GLIS3: variants seen among roughly 807,000 people sequenced by gnomAD.
GLIS3 encodes the protein GLIS family zinc finger 3.
GLIS3 carries 53 observed loss-of-function variants against 78.6 expected under a neutral mutation model. That is an observed-to-expected ratio of 0.67 (90% CI 0.54 to 0.85). The LOEUF is 0.85. Ranked by LOEUF, GLIS3 falls within the 40% of genes least tolerant of loss-of-function variation. GLIS3 has a pLI of 0.00. For missense variants in GLIS3, 1,703 were observed against 1,231.1 expected (o/e 1.38, Z -5.74); for synonymous variants, 684 against 509.9 (o/e 1.34, Z -4.60).
chr9:4,357,946 A>T, the GLIS3 span, among the ~76,000 whole-genome samples: 1 of 152,228 alleles, frequency 6.6e-6, no homozygotes, highest in Non-Finnish European at 1.5e-5. Flanking sequence ...GAGGGTCATT[A>T]AACAAGTTAT....
chr9:4,273,282 C>T (rs1587255223), intron 2 of GLIS3, among the ~76,000 whole-genome samples: 1 of 152,278 alleles, frequency 6.6e-6, no homozygotes, highest in East Asian at 1.9e-4. Flanking sequence ...TTTACCTGCC[C>T]TACCAGTTTG....
At chr9:3,880,391 C>T (rs1588142924) in intron 7 of GLIS3, among the ~76,000 whole-genome samples, 1 of 152,154 alleles carries the variant, frequency 6.6e-6, no homozygotes, top group Admixed American at 6.5e-5. Flanking sequence ...GAAACTGGGG[C>T]TTGTCACTTT....
intron 2 of GLIS3, among the ~76,000 whole-genome samples, chr9:4,135,421 A>C (rs1033240137): frequency 2.6e-5 from 4 of 152,116 alleles, no homozygotes; most frequent in Non-Finnish European, 5.9e-5. Flanking sequence ...TGTATGTTCT[A>C]ATTCTAAAGG....
At chr9:4,154,352 T>C (rs1834899232) in intron 2 of GLIS3, among the ~76,000 whole-genome samples, 1 of 152,158 alleles carries the variant, frequency 6.6e-6, no homozygotes, top group Non-Finnish European at 1.5e-5. Flanking sequence ...TCAGCCATAA[T>C]ATGCCACAAG....
chr9:3,949,691 C>G (rs1374360523), intron 4 of GLIS3, among the ~76,000 whole-genome samples: 1 of 152,114 alleles, frequency 6.6e-6, no homozygotes, highest in African/African-American at 2.4e-5. Flanking sequence ...CTAACAGGTG[C>G]CTAATACATA....
intron 4 of GLIS3, among the ~76,000 whole-genome samples, chr9:3,938,021 A>G (rs998922441): frequency 2.6e-5 from 4 of 152,208 alleles, no homozygotes; most frequent in African/African-American, 9.6e-5. Context: ...TGAGGGCAAA[A>G]TATCAGCTAC....
chr9:4,341,968 G>A (rs1266289880), intron 2 of GLIS3, among the ~76,000 whole-genome samples: 1 of 144,922 alleles, frequency 6.9e-6, no homozygotes, highest in African/African-American at 2.9e-5. Flanking sequence ...TTGTTAATTT[G>A]CTTAAGTTCC....
chr9:4,052,578 A>G (rs1454674031), intron 4 of GLIS3, among the ~76,000 whole-genome samples: 2 of 152,204 alleles, frequency 1.3e-5, no homozygotes, highest in Non-Finnish European at 2.9e-5. Context: ...TAGAAACTGA[A>G]TGATACAATA....
chr9:4,222,242 A>G (rs1001123842), intron 2 of GLIS3, among the ~76,000 whole-genome samples: 1 of 152,206 alleles, frequency 6.6e-6, no homozygotes, highest in Non-Finnish European at 1.5e-5. Flanking sequence ...ACACGGTAGC[A>G]AAGTACACCT....
chr9:4,034,742 C>T (rs1331134847), intron 4 of GLIS3: 1 of 152,226 alleles, frequency 6.6e-6, no homozygotes, highest in Non-Finnish European at 1.5e-5. Context: ...CCTTTAACCT[C>T]AACCTGAGCA....
intron 2 of GLIS3, among the ~76,000 whole-genome samples, chr9:4,149,384 C>T (rs1834492040): frequency 6.6e-6 from 1 of 152,196 alleles, no homozygotes; most frequent in South Asian, 2.1e-4. Flanking sequence ...AAAAAACACA[C>T]ACAGATGGCT....
At chr9:4,157,966 G>C (rs568542560) in intron 2 of GLIS3, among the ~76,000 whole-genome samples, 2 of 152,248 alleles carry the variant, frequency 1.3e-5, no homozygotes, top group South Asian at 4.1e-4. Context: ...TGATAATCTT[G>C]TTAACGGATG....
intron 2 of GLIS3, among the ~76,000 whole-genome samples, chr9:4,313,923 A>T (rs1223476975): frequency 6.6e-6 from 1 of 152,234 alleles, no homozygotes; most frequent in African/African-American, 2.4e-5. Flanking sequence ...TTTGTTAAAA[A>T]TATAAATGTG....
chr9:4,363,971 G>T, the GLIS3 span, among the ~76,000 whole-genome samples: 1 of 152,180 alleles, frequency 6.6e-6, no homozygotes, highest in South Asian at 2.1e-4. Context: ...GATTTCAAGA[G>T]TTCGCAATCT....
At chr9:4,049,012 C>G (rs1455574977) in intron 4 of GLIS3, among the ~76,000 whole-genome samples, 2 of 152,114 alleles carry the variant, frequency 1.3e-5, no homozygotes, top group African/African-American at 4.8e-5. Context: ...GGACTGAACA[C>G]CATGGACATA....
chr9:4,406,383 C>T, the GLIS3 span, among the ~76,000 whole-genome samples: 2 of 152,130 alleles, frequency 1.3e-5, no homozygotes, highest in Non-Finnish European at 2.9e-5. Context: ...TGCAATTGTG[C>T]GATCTTGGCT....
intron 4 of GLIS3, among the ~76,000 whole-genome samples, chr9:4,109,556 G>A (rs1831043023): frequency 6.6e-6 from 1 of 152,210 alleles, no homozygotes; most frequent in Non-Finnish European, 1.5e-5. Context: ...AACTTTAAGA[G>A]ATAATGGAGA....
rs1258055373 is a variant in GLIS3 at position 4,244,240 on chromosome 9, C to A, written c.388+41798G>T. Among the ~76,000 whole-genome samples the A allele has an allele frequency of 2.6e-5, 4 of 152,166 alleles. No homozygotes were observed. In the East Asian group the frequency reaches 7.7e-4, roughly 29 times the overall value. ...CCAGAATAGCTCATGTCCTTCATTG[C>A]CTGTGTGAAACGTACATGGCACAGT... On this transcript the variant is annotated intron_variant, in intron 2 of 10. Transcript: ENST00000381971.
At chr9:3,980,427 G>A (rs1376312528) in intron 4 of GLIS3, among the ~76,000 whole-genome samples, 1 of 152,164 alleles carries the variant, frequency 6.6e-6, no homozygotes, top group Non-Finnish European at 1.5e-5. Flanking sequence ...TCCTCACCCT[G>A]AAATGTAAGC....
Sources: gnomAD v4.1 joint callset for allele counts (sites outside exome capture counted in the v4.1 genomes callset) on GRCh38, gnomAD v4.1.1 for gene constraint, MANE v1.5 for transcripts, NCBI Gene and HGNC (gene_info 2026-07-23, HGNC 2026-07-21) for gene names.